The following ANXA4 variants were observed in gnomAD, a reference collection of about 807,000 sequenced individuals.
ANXA4 encodes the protein annexin A4, also known as 35-beta calcimedin.
Under a neutral mutation model 49.8 loss-of-function variants are expected in ANXA4, and 39 were observed. The observed-to-expected ratio is 0.78, with a 90% CI of 0.61 to 1.02. The LOEUF (loss-of-function observed/expected upper bound fraction) is 1.02, where lower values mean the gene tolerates loss of function less well. ANXA4 is among the 50% of genes least tolerant of loss of function. ANXA4 has a pLI of 0.00. For missense variants in ANXA4, 360 were observed against 410.1 expected (o/e 0.88, Z 1.05); for synonymous variants, 134 against 152.5 (o/e 0.88, Z 0.89).
At chr2:69,721,276 T>C (rs1200272895) in intron 3 of ANXA4, among the ~76,000 whole-genome samples, 1 of 152,250 alleles carries the variant, frequency 6.6e-6, no homozygotes, top group African/African-American at 2.4e-5. Context: ...CCTGTTGAGA[T>C]TGGAGTTTAG....
At position 69,806,451 on chromosome 2, in the gene ANXA4, A is replaced by G; in HGVS notation, c.259A>G (p.Thr87Ala). ...CGAGCAGGTGATTGTGGGGATGATGACGCCCACGGTGCTGTATGACGTGCA... is the reference window on the plus strand; with the variant it reads ...CGAGCAGGTGATTGTGGGGATGATGGCGCCCACGGTGCTGTATGACGTGCA... ...NFEQVIVGMM[T>A]PTVLYDVQEL... is the part of the protein sequence containing the mutation. The change falls in exon 5 of 13, where the codon ACG (threonine) becomes GCG (alanine). Residue 87 changes from threonine (T) to alanine (A), a missense_variant. Physicochemically the swap from Thr to Ala is moderately conservative, Grantham distance 58. Coordinates refer to ENST00000394295, the MANE Select transcript of ANXA4 (RefSeq NM_001153.5). The G allele has an allele frequency of 6.2e-7, 1 of 1,614,100 alleles. No individual in the cohort carries two copies.
intron 1 of ANXA4, among the ~76,000 whole-genome samples, chr2:69,649,422 T>C (rs968077781): frequency 1.3e-5 from 2 of 151,480 alleles, no homozygotes; most frequent in Non-Finnish European, 1.5e-5. Flanking sequence ...TATATATTTA[T>C]ATTTTATTTT....
At chr2:69,739,383 T>A (rs374963854), upstream of ANXA4, among the ~76,000 whole-genome samples, 1 of 152,190 alleles carries the variant, frequency 6.6e-6, no homozygotes, top group African/African-American at 2.4e-5. Flanking sequence ...GTGAGATTTT[T>A]AATTTTTTTT....
chr2:69,807,379 C>G (rs1453810874), intron 5 of ANXA4, among the ~76,000 whole-genome samples: 1 of 152,190 alleles, frequency 6.6e-6, no homozygotes, highest in Admixed American at 6.5e-5. Context: ...CTAGCCTGGT[C>G]TGCCAAATTT....
intron 2 of ANXA4, among the ~76,000 whole-genome samples, chr2:69,657,396 C>A (rs1202587325): frequency 6.6e-6 from 1 of 152,092 alleles, no homozygotes; most frequent in Non-Finnish European, 1.5e-5. Flanking sequence ...ATATTTCTGG[C>A]ATCTTATAAA....
At chr2:69,726,033 A>G (rs749517634) in intron 3 of ANXA4, among the ~76,000 whole-genome samples, 2 of 152,172 alleles carry the variant, frequency 1.3e-5, no homozygotes, top group Non-Finnish European at 2.9e-5. Flanking sequence ...TTTTTCCTGA[A>G]GAGCCTGATA....
At chr2:69,718,504 A>G (rs1242687993) in intron 2 of ANXA4, among the ~76,000 whole-genome samples, 2 of 152,216 alleles carry the variant, frequency 1.3e-5, no homozygotes, top group Non-Finnish European at 2.9e-5. Context: ...AGGTCACTGG[A>G]AGAGGTCATA....
intron 6 of ANXA4, chr2:69,808,700 TG>T (rs1352624380): frequency 6.6e-5 from 10 of 152,228 alleles, no homozygotes; most frequent in Non-Finnish European, 1.5e-5. Context: ...CTCACTCTGT[TG>T]CCCAGGCTGG....
chr2:69,720,169 G>A (rs1669780802), intron 2 of ANXA4, among the ~76,000 whole-genome samples: 2 of 152,190 alleles, frequency 1.3e-5, no homozygotes, highest in South Asian at 4.1e-4. Flanking sequence ...CATATGCTCA[G>A]GACTTGGCCC....
intron 3 of ANXA4, among the ~76,000 whole-genome samples, chr2:69,788,789 G>C (rs1258300714): frequency 2.1e-5 from 3 of 144,770 alleles, no homozygotes; most frequent in Admixed American, 7.1e-5. Flanking sequence ...AGTGAGCTGA[G>C]ATTGCACCAC....
chr2:69,643,855 C>G (rs1017101007), upstream of ANXA4: 40 of 1,179,410 alleles, frequency 3.4e-5, no homozygotes, highest in Non-Finnish European at 4.0e-5. Flanking sequence ...GGGGCCTCTC[C>G]TGCAACCGCC....
intron 3 of ANXA4, among the ~76,000 whole-genome samples, chr2:69,722,155 T>A (rs545166601): frequency 6.6e-6 from 1 of 152,334 alleles, no homozygotes; most frequent in East Asian, 1.9e-4. Context: ...CTCACACCCA[T>A]TCCTACTGTG....
intron 1 of ANXA4, among the ~76,000 whole-genome samples, chr2:69,648,425 C>T (rs1364771908): frequency 2.0e-5 from 3 of 152,220 alleles, no homozygotes; most frequent in Non-Finnish European, 4.4e-5. Flanking sequence ...GCAGAGGCAG[C>T]AGTTTCTGTT....
chr2:69,818,575 A>G, intron 9 of ANXA4, 24 bp from the exon 10 acceptor site: 1 of 1,493,862 alleles, frequency 6.7e-7, no homozygotes, highest in East Asian at 2.3e-5. Context: ...CTTCCCAATA[A>G]TACTATTTTG....
chr2:69,746,344 C>T (rs776450031), intron 1 of ANXA4, among the ~76,000 whole-genome samples: 1 of 152,202 alleles, frequency 6.6e-6, no homozygotes, highest in African/African-American at 2.4e-5. Context: ...TCACATCTCC[C>T]TTGTGATTTG....
chr2:69,669,023 G>A (rs1314300178), intron 2 of ANXA4, among the ~76,000 whole-genome samples: 1 of 149,080 alleles, frequency 6.7e-6, no homozygotes, highest in Non-Finnish European at 1.5e-5. Flanking sequence ...TGCAACCTCC[G>A]CCTCTCAGGT....
At chr2:69,758,311 C>A (rs144614662) in intron 1 of ANXA4, among the ~76,000 whole-genome samples, 1 of 152,160 alleles carries the variant, frequency 6.6e-6, no homozygotes, top group Non-Finnish European at 1.5e-5. Context: ...CCGTACCTGA[C>A]CCCTACTACT....
chr2:69,805,734 C>T (rs1673420609), intron 4 of ANXA4, among the ~76,000 whole-genome samples: 2 of 152,086 alleles, frequency 1.3e-5, no homozygotes, highest in Admixed American at 6.6e-5. Context: ...AATACATTTA[C>T]ATCGGTGTCT....
chr2:69,742,655 C>T (rs1670445640), intron 1 of ANXA4, among the ~76,000 whole-genome samples: 1 of 152,216 alleles, frequency 6.6e-6, no homozygotes, highest in Non-Finnish European at 1.5e-5. Context: ...GCCCTCGGCA[C>T]AGTGCCCGGC....
Sources: allele counts gnomAD v4.1 joint callset (sites outside exome capture counted in the v4.1 genomes callset), GRCh38; gene constraint gnomAD v4.1.1; transcripts MANE v1.5; gene names NCBI Gene and HGNC (gene_info 2026-07-23, HGNC 2026-07-21).